The following KAZN variants were observed in gnomAD, a reference collection of about 807,000 sequenced individuals.
The protein encoded by KAZN is kazrin, periplakin interacting protein, also known as kazrin.
A neutral mutation model predicts 87.4 loss-of-function variants in KAZN; 40 were observed. The ratio of observed to expected loss-of-function variants is 0.46; its 90% CI spans 0.36 to 0.60. The LOEUF is 0.60. KAZN is among the 20% of genes least tolerant of loss of function. The pLI is 0.00. For missense variants in KAZN, 898 were observed against 1,073.9 expected, an observed-to-expected ratio of 0.84 and a Z score of 2.29; for synonymous variants, 466 against 458.3, an observed-to-expected ratio of 1.02 and a Z score of -0.22.
intron 1 of KAZN, among the ~76,000 whole-genome samples, chr1:14,909,547 C>T (rs1181251734): frequency 6.6e-6 from 1 of 152,220 alleles, no homozygotes; most frequent in Non-Finnish European, 1.5e-5. Flanking sequence ...TGCCCACCTG[C>T]CCATCTCTGC....
At chr1:15,014,120 A>G (rs1669851160) in intron 2 of KAZN, among the ~76,000 whole-genome samples, 1 of 152,084 alleles carries the variant, frequency 6.6e-6, no homozygotes, top group African/African-American at 2.4e-5. Context: ...AAGGGCTGAA[A>G]TTCTGCCCTT....
chr1:14,625,059 TA>T (rs1001020404), intron 1 of KAZN, among the ~76,000 whole-genome samples: 2 of 152,154 alleles, frequency 1.3e-5, no homozygotes, highest in Non-Finnish European at 2.9e-5. Flanking sequence ...CCACTATTTC[TA>T]AGAGAACTAT....
rs113747455 is a variant in KAZN at position 14,773,147 on chromosome 1, G to A, written c.226+173924G>A. On this transcript the variant is annotated intron_variant, in intron 1 of 14. Transcript: ENST00000376030. This position sits in a 1 kb window ranked among gnomAD's most constrained non-coding sequence, Gnocchi z 5.9. ...TTGCCCTCTCCTGCATGTGGAAGAA[G>A]CTTGGCAAGATTAGAGGTGCCTGCT... Among the ~76,000 whole-genome samples the A allele has an allele frequency of 2.0e-5, 3 of 152,296 alleles. 1 individual carries two copies. The highest frequency in any genetic ancestry group is 7.2e-5 in the African/African-American group (3 of 41,556).
intron 1 of KAZN, among the ~76,000 whole-genome samples, chr1:14,642,875 T>A (rs950137697): frequency 6.6e-6 from 1 of 152,100 alleles, no homozygotes; most frequent in Admixed American, 6.5e-5. Flanking sequence ...AGACAGACAA[T>A]ACTAAGTGCT....
intron 1 of KAZN, among the ~76,000 whole-genome samples, chr1:14,723,620 G>A (rs944811547): frequency 2.6e-5 from 4 of 152,196 alleles, no homozygotes; most frequent in South Asian, 2.1e-4. Flanking sequence ...TCCATCTGCC[G>A]GGCTCAGCAT....
At chr1:15,045,851 A>G (rs60170739) in intron 4 of KAZN, among the ~76,000 whole-genome samples, 5,554 of 152,238 alleles carry the variant, frequency 0.036, 323 homozygotes, top group African/African-American at 0.13. Flanking sequence ...CGAGAACAGC[A>G]TAGGGGAAAC....
At chr1:14,427,616 A>ATG (rs1360108816) in intron 2 of KAZN, among the ~76,000 whole-genome samples, 2 of 128,496 alleles carry the variant, frequency 1.6e-5, no homozygotes, top group African/African-American at 6.2e-5. Flanking sequence ...GTGTGTGTAT[A>ATG]TATATGGTAT....
chr1:14,124,964 C>T (rs997788204), intron 1 of KAZN, among the ~76,000 whole-genome samples: 14 of 152,108 alleles, frequency 9.2e-5, no homozygotes, highest in Non-Finnish European at 1.5e-4. Context: ...CATTGAGACG[C>T]GGCTCTGAGG....
intron 1 of KAZN, among the ~76,000 whole-genome samples, chr1:14,932,028 G>A (rs1191074341): frequency 3.9e-5 from 6 of 152,194 alleles, no homozygotes; most frequent in Non-Finnish European, 8.8e-5. Flanking sequence ...AGGCTTTGGT[G>A]GTAGCTGTTT....
In KAZN at chr1:14,529,081, A is replaced by T. The variant is rs778713304; in HGVS notation, c.250-69902A>T. ...CACTTTGGGAGGCCGAGGCGGGCAG[A>T]TTACCTGAGGTCAGGAGTTCGAGAC... On this transcript the variant is annotated intron_variant, in intron 2 of 16. Transcript: ENST00000636203. 9.3e-4 allele frequency among the ~76,000 whole-genome samples: 141 copies of T among 152,282 alleles called. 1 individual carries two copies. The highest frequency in any genetic ancestry group is 3.4e-3 in the Middle Eastern group (1 of 294).
intron 1 of KAZN, among the ~76,000 whole-genome samples, chr1:14,151,889 T>TAC (rs559774656): frequency 6.5e-4 from 99 of 152,302 alleles, no homozygotes; most frequent in African/African-American, 2.2e-3. Flanking sequence ...GGTATGACAT[T>TAC]ATGTAATTAC....
intron 2 of KAZN, among the ~76,000 whole-genome samples, chr1:14,181,906 G>T (rs1646206416): frequency 6.6e-6 from 1 of 152,172 alleles, no homozygotes; most frequent in African/African-American, 2.4e-5. Context: ...AAAAGGCATT[G>T]TGTGTAAACT....
At chr1:14,648,530 C>G (rs1680981018) in intron 1 of KAZN, among the ~76,000 whole-genome samples, 3 of 152,130 alleles carry the variant, frequency 2.0e-5, no homozygotes, top group Non-Finnish European at 4.4e-5. Flanking sequence ...CCCCTCCTCT[C>G]TGTCCCTTAG....
intron 1 of KAZN, among the ~76,000 whole-genome samples, chr1:14,947,788 A>C (rs1463328683): frequency 2.0e-5 from 3 of 152,230 alleles, no homozygotes; most frequent in African/African-American, 7.2e-5. Context: ...AGTGCCAGGC[A>C]CATAGTGAAC....
chr1:14,507,648 T>C (rs1045289367), intron 2 of KAZN, among the ~76,000 whole-genome samples: 1 of 152,176 alleles, frequency 6.6e-6, no homozygotes, highest in Non-Finnish European at 1.5e-5. Context: ...AGCTGTCTTT[T>C]CTTCCCCAAA....
At chr1:14,561,671 A>G (rs1251110598) in intron 2 of KAZN, among the ~76,000 whole-genome samples, 1 of 152,136 alleles carries the variant, frequency 6.6e-6, no homozygotes, top group Non-Finnish European at 1.5e-5. Context: ...TGGGAGGCCA[A>G]GGCAGGTGGA....
At chr1:14,589,458 C>T (rs1676060113) in intron 2 of KAZN, among the ~76,000 whole-genome samples, 1 of 152,146 alleles carries the variant, frequency 6.6e-6, no homozygotes, top group African/African-American at 2.4e-5. Context: ...TCCAATTATG[C>T]ATACAACTGG....
rs372269866 is a variant in KAZN, at chr1:13,981,097, A to ATATATATATATATATATATATG, written c.91+87354_91+87355insATATATATGTATATATATATAT. On this transcript the variant is annotated intron_variant, in intron 1 of 16. Coordinates refer to the KAZN transcript ENST00000636203. The stretch of plus-strand genomic sequence containing the variant: ...GTATAAAAAATTACTCTTTATATAT[A>ATATATATATATATATATATATG]TATATATATATATGTATATATAAAC... Among the ~76,000 whole-genome samples, 195 of 96,922 alleles carry ATATATATATATATATATATATG rather than the reference A, an allele frequency of 2.0e-3. 4 individuals are homozygous for ATATATATATATATATATATATG. In the East Asian group the frequency reaches 0.032, roughly 16 times the overall value. 63.6% of individuals were successfully genotyped at this position (96,922 alleles called of 152,430 possible). A position where few individuals can be genotyped will look rare whatever the true frequency, so the allele number is the denominator to read the frequency against.
chr1:14,236,936 A>AT (rs1222778917), intron 2 of KAZN, among the ~76,000 whole-genome samples: 1 of 152,190 alleles, frequency 6.6e-6, no homozygotes, highest in African/African-American at 2.4e-5. Context: ...AAAATAAAGT[A>AT]TTAATAAAGA....
Sources: allele counts gnomAD v4.1 joint callset (sites outside exome capture counted in the v4.1 genomes callset), GRCh38; gene constraint gnomAD v4.1.1; non-coding constraint Gnocchi (gnomAD v3.1); transcripts MANE v1.5; gene names NCBI Gene and HGNC (gene_info 2026-07-23, HGNC 2026-07-21).